AHNAK: variants seen among roughly 807,000 people sequenced by gnomAD.
The protein encoded by AHNAK is AHNAK nucleoprotein.
In AHNAK, 23 loss-of-function variants were observed where a neutral mutation model predicts 37.8. The ratio of observed to expected loss-of-function variants is 0.61; its 90% CI spans 0.44 to 0.86. The LOEUF (loss-of-function observed/expected upper bound fraction) is 0.86. AHNAK is among the 40% of genes least tolerant of loss of function. The probability of loss-of-function intolerance (pLI) is 0.00; values close to 1 mark genes in which losing one functional copy is unlikely to be tolerated. For synonymous variants in AHNAK, 2,481 were observed against 2,636.3 expected (o/e 0.94, Z 1.80); for missense variants, 7,411 against 7,319.4 (o/e 1.01, Z -0.46).
chr11:62,544,846 C>T (rs2509982), intron 1 of AHNAK, among the ~76,000 whole-genome samples: 46,762 of 152,008 alleles, frequency 0.31, 7,629 homozygotes, highest in Non-Finnish European at 0.37. Context: ...GGCCCTTAAA[C>T]GCCTTCCCCC....
rs1419680078 is a variant in AHNAK at position 62,532,764 on chromosome 11, G to A, written c.1653C>T (p.Thr551=). The change falls in exon 5 of 5, where the codon ACC becomes ACT. Residue 551 remains threonine, a synonymous_variant. Transcript: ENST00000378024. The stretch of plus-strand genomic sequence containing the variant: ...GACTGCCAAGCCTAGGGCCTGTCAA[G>A]GTTCCCTCTAGGTTTGGTGTCTCTA... ...VDIETPNLEG[T]LTGPRLGSPS... 2 of 1,613,994 alleles carry A rather than the reference G, an allele frequency of 1.2e-6. No homozygotes were observed. The highest frequency in any genetic ancestry group is 1.7e-6 in the Non-Finnish European group (2 of 1,180,024).
Position 62,522,233 on chromosome 11 carries a change from T to C in AHNAK, c.12184A>G (p.Lys4062Glu). The change falls in exon 5 of 5, where the codon AAG (lysine) becomes GAG (glutamate). Residue 4062 changes from lysine (K) to glutamate (E), a missense_variant. Transcript: ENST00000378024. ...ATGCTGAATTTGGGCATTTTCACCT[T>C]GGGCATCTTCAGGTGCCAGTCTGGG... ...HGPDWHLKMP[K>E]VKMPKFSMPG... 1 of 1,613,118 alleles carries C rather than the reference T, an allele frequency of 6.2e-7. No individual in the cohort carries two copies. Among genetic ancestry groups the C allele is most frequent in the South Asian group, 1.1e-5 (1 of 91,024 alleles).
At chr11:62,503,212 G>C (rs17157363) in intron 4 of AHNAK, among the ~76,000 whole-genome samples, 19,670 of 152,186 alleles carry the variant, frequency 0.13, 3,258 homozygotes, top group African/African-American at 0.39. Flanking sequence ...ATCAAAGGTT[G>C]TCCACGATTA....
downstream of AHNAK, among the ~76,000 whole-genome samples, chr11:62,511,234 GTT>G (rs1565218896): frequency 6.7e-6 from 1 of 148,434 alleles, no homozygotes; most frequent in South Asian, 2.1e-4. Context: ...AACCAGGCTT[GTT>G]TTTTGTTTTT....
In AHNAK at chr11:62,526,707, T is replaced by C; in HGVS notation, c.7710A>G (p.Pro2570=). 6.2e-7 allele frequency: 1 copy of C among 1,613,026 alleles called. No individual in the cohort carries two copies. Among genetic ancestry groups the C allele is most frequent in the Non-Finnish European group, 8.5e-7 (1 of 1,179,796 alleles). The part of the protein sequence containing the change: ...GKLKGPKLKM[P]EMNIKAPKIS... ...TCTTGGGGGCTTTGATGTTCATCTC[T>C]GGCATCTTTAACTTAGGCCCTTTCA... is the stretch of plus-strand genomic sequence containing the variant. Residue 2570 remains proline (P), a synonymous_variant, in exon 5 of 5, where the codon CCA becomes CCG. Transcript: ENST00000378024.
chr11:62,489,510 G>A (rs890161206), intron 5 of AHNAK, among the ~76,000 whole-genome samples: 9 of 152,164 alleles, frequency 5.9e-5, no homozygotes, highest in Non-Finnish European at 1.2e-4. Context: ...TATCCATGGA[G>A]GAAAAGAGCT....
chr11:62,493,979 T>G (rs1189578057), intron 4 of AHNAK, among the ~76,000 whole-genome samples: 1 of 152,078 alleles, frequency 6.6e-6, no homozygotes, highest in Non-Finnish European at 1.5e-5. Flanking sequence ...CTGGAAATGT[T>G]TGTGGCTTGG....
At position 62,527,394 on chromosome 11, in the gene AHNAK, T is replaced by G; in HGVS notation, c.7023A>C (p.Leu2341Phe). 4 of 1,614,236 alleles carry G rather than the reference T, an allele frequency of 2.5e-6. No individual in the cohort carries two copies. Among genetic ancestry groups the G allele is most frequent in the Non-Finnish European group, 3.4e-6 (4 of 1,180,028 alleles). The stretch of plus-strand genomic sequence containing the variant: ...CTTTGACATCCAATTCTGGACCTTT[T>G]AACTCTCCCTCCAGCTTTGGGGCAG... ...DVSAPKLEGE[L>F]KGPELDVKGP... The change falls in exon 5 of 5, where the codon TTA becomes TTC. Residue 2341 changes from leucine (L) to phenylalanine (F), a missense_variant. Transcript: ENST00000378024.
chr11:62,519,929 C>T lies in AHNAK; in HGVS notation c.14488G>A (p.Ala4830Thr), dbSNP rs543343312. Residue 4830 changes from alanine to threonine, a missense_variant, in exon 5 of 5, where the codon GCA (alanine) becomes ACA (threonine). Coordinates refer to ENST00000378024, the MANE Select transcript of AHNAK (RefSeq NM_001620.3). ...IPDVNIEGPD[A>T]KLKGPKFKMP... ...TTGAACTTGGGGCCCTTCAGTTTTG[C>T]GTCTGGACCTTCGATATTCACATCT... 9.9e-6 allele frequency: 16 copies of T among 1,613,644 alleles called. No individual in the cohort carries two copies. The African/African-American group carries it at 1.1e-4, about 11-fold the overall frequency.
Position 62,519,874 on chromosome 11 carries a change from T to C in AHNAK, c.14543A>G (p.Lys4848Arg). Reference protein sequence around the residue: ...KMPEINIKAPKISIPDVDLDL... With the variant: ...KMPEINIKAPRISIPDVDLDL... ...CAGGTCAACATCAGGTATGGAGATCTTGGGAGCTTTGATATTTATTTCAGG... is the reference window on the plus strand; with the variant it reads ...CAGGTCAACATCAGGTATGGAGATCCTGGGAGCTTTGATATTTATTTCAGG... Residue 4848 changes from lysine (K) to arginine (R), a missense_variant, in exon 5 of 5, where the codon AAG (lysine) becomes AGG (arginine). Lys to Arg is a conservative substitution (Grantham distance 26). Coordinates refer to ENST00000378024, the MANE Select transcript of AHNAK (RefSeq NM_001620.3). 1 of 1,614,156 alleles carries C rather than the reference T, an allele frequency of 6.2e-7. No homozygotes were observed. The highest frequency in any genetic ancestry group is 8.5e-7 in the Non-Finnish European group (1 of 1,180,004).
At chr11:62,537,476 G>C (rs1477032502) in intron 1 of AHNAK, 1 of 151,928 alleles carries the variant, frequency 6.6e-6, no homozygotes, top group African/African-American at 2.4e-5. Flanking sequence ...GGCTGGTCCG[G>C]AACTCCTGGG....
rs1241937539 is a variant in AHNAK at position 62,516,758 on chromosome 11, T to C, written c.17659A>G (p.Thr5887Ala). ...QLPEVELSVS[T>A]KKE ...ACAAAGGCCTGCTACTCTTTCTTTG[T>C]GGAAACTGACAGCTCCACCTCGGGA... The change falls in exon 5 of 5, where the codon ACA becomes GCA. Residue 5887 changes from threonine (T) to alanine (A), a missense_variant. Coordinates refer to ENST00000378024, the MANE Select transcript of AHNAK (RefSeq NM_001620.3). 1.2e-6 allele frequency: 2 copies of C among 1,610,706 alleles called. No homozygotes were observed. The highest frequency in any genetic ancestry group is 2.2e-5 in the East Asian group (1 of 44,892).
chr11:62,475,179 T>A (rs1939117796), intron 5 of AHNAK, among the ~76,000 whole-genome samples: 1 of 152,156 alleles, frequency 6.6e-6, no homozygotes, highest in Non-Finnish European at 1.5e-5. Flanking sequence ...GGCAGGTGCC[T>A]GTAGTCCCAG....
At chr11:62,540,805 C>G (rs918927159) in intron 1 of AHNAK, among the ~76,000 whole-genome samples, 1 of 152,200 alleles carries the variant, frequency 6.6e-6, no homozygotes, top group Non-Finnish European at 1.5e-5. Context: ...CGCTGCGGGA[C>G]AGACTGTAAT....
chr11:62,537,731 G>A (rs1296097934), intron 1 of AHNAK, among the ~76,000 whole-genome samples: 1 of 150,776 alleles, frequency 6.6e-6, no homozygotes, highest in East Asian at 2.0e-4. Context: ...AGCCCAGGCT[G>A]GTGTGCAATG....
chr11:62,509,033 C>T (rs1406215479), intron 4 of AHNAK, among the ~76,000 whole-genome samples: 3 of 152,152 alleles, frequency 2.0e-5, no homozygotes, highest in Non-Finnish European at 2.9e-5. Context: ...CAATCTCCTA[C>T]TTAACCAAGG....
intron 5 of AHNAK, among the ~76,000 whole-genome samples, chr11:62,454,117 A>AG (rs1045796226): frequency 1.2e-4 from 18 of 149,790 alleles, no homozygotes; most frequent in Middle Eastern, 3.6e-3. Context: ...AAAAAAAAAA[A>AG]AAAGAAAGAA....
intron 5 of AHNAK, among the ~76,000 whole-genome samples, chr11:62,483,026 C>T (rs1939306746): frequency 6.6e-6 from 1 of 152,138 alleles, no homozygotes; most frequent in African/African-American, 2.4e-5. Flanking sequence ...ACCAAAAGGA[C>T]AATCATTTGA....
At chr11:62,486,337 G>A (rs1939392647) in intron 5 of AHNAK, among the ~76,000 whole-genome samples, 1 of 152,032 alleles carries the variant, frequency 6.6e-6, no homozygotes, top group Non-Finnish European at 1.5e-5. Flanking sequence ...AGCAGGCGGG[G>A]TAGCACATGC....
Sources: allele counts gnomAD v4.1 joint callset (sites outside exome capture counted in the v4.1 genomes callset), GRCh38; gene constraint gnomAD v4.1.1; transcripts MANE v1.5; gene names NCBI Gene and HGNC (gene_info 2026-07-23, HGNC 2026-07-21).